ST8SIA6: variants seen among roughly 807,000 people sequenced by gnomAD.
ST8SIA6 encodes ST8 alpha-N-acetyl-neuraminide alpha-2,8-sialyltransferase 6.
In ST8SIA6, 39 loss-of-function variants were observed where a neutral mutation model predicts 33.6. The ratio of observed to expected loss-of-function variants is 1.16; its 90% CI spans 0.90 to 1.52. The LOEUF (loss-of-function observed/expected upper bound fraction) is 1.52. Ranked by LOEUF, ST8SIA6 falls within the 40% of genes most tolerant of loss-of-function variation. The probability of loss-of-function intolerance (pLI) is 0.00; values close to 1 mark genes in which losing one functional copy is unlikely to be tolerated. For synonymous variants in ST8SIA6, 172 were observed against 167.2 expected, an observed-to-expected ratio of 1.03 and a Z score of -0.22; for missense variants, 441 against 443.8, an observed-to-expected ratio of 0.99 and a Z score of 0.06.
At chr10:17,402,110 T>C (rs1404738995) in intron 2 of ST8SIA6, among the ~76,000 whole-genome samples, 5 of 152,088 alleles carry the variant, frequency 3.3e-5, no homozygotes, top group Non-Finnish European at 7.4e-5. Flanking sequence ...CATCAACAAG[T>C]GGGCGAAGGA....
intron 2 of ST8SIA6, among the ~76,000 whole-genome samples, chr10:17,424,635 A>T (rs1851877928): frequency 6.6e-6 from 1 of 152,060 alleles, no homozygotes; most frequent in Admixed American, 6.6e-5. Context: ...TTCTCACTCC[A>T]TTTATTCATA....
intron 3 of ST8SIA6, among the ~76,000 whole-genome samples, chr10:17,373,678 T>C (rs1335477884): frequency 6.6e-6 from 1 of 152,202 alleles, no homozygotes; most frequent in Non-Finnish European, 1.5e-5. Flanking sequence ...TTTGAAGGCA[T>C]TGAAAACAGC....
intron 3 of ST8SIA6, among the ~76,000 whole-genome samples, chr10:17,374,125 G>A (rs1248475514): frequency 7.5e-6 from 1 of 133,172 alleles, no homozygotes; most frequent in East Asian, 2.1e-4. Context: ...GGGAAAAGTA[G>A]TCTATTTCTC....
At chr10:17,322,239 AGAG>A (rs1847983593) in intron 7 of ST8SIA6, among the ~76,000 whole-genome samples, 1 of 77,008 alleles carries the variant, frequency 1.3e-5, no homozygotes, top group Non-Finnish European at 2.9e-5. Context: ...AGAAAAAGAA[AGAG>A]AAAAAGAAAG....
At chr10:17,435,553 G>A (rs1424702862) in intron 2 of ST8SIA6, among the ~76,000 whole-genome samples, 1 of 152,110 alleles carries the variant, frequency 6.6e-6, no homozygotes, top group Non-Finnish European at 1.5e-5. Flanking sequence ...GCTGAAACCT[G>A]GCACTTAGGA....
chr10:17,323,004 A>G, intron 7 of ST8SIA6, 61 bp downstream of exon 7: 1 of 1,465,122 alleles, frequency 6.8e-7, no homozygotes, highest in Non-Finnish European at 9.5e-7. Flanking sequence ...GCTTAAGCTG[A>G]GAAACATGTT....
intron 4 of ST8SIA6, among the ~76,000 whole-genome samples, chr10:17,340,625 A>T (rs992026633): frequency 6.6e-6 from 1 of 152,134 alleles, no homozygotes; most frequent in Non-Finnish European, 1.5e-5. Flanking sequence ...ATAGAAGTAA[A>T]ATTGCCTTGC....
chr10:17,396,072 G>A (rs1280716746), intron 2 of ST8SIA6, among the ~76,000 whole-genome samples: 1 of 152,156 alleles, frequency 6.6e-6, no homozygotes, highest in Non-Finnish European at 1.5e-5. Context: ...GAGTGGAGAT[G>A]GCTCTAACTG....
chr10:17,393,593 C>G (rs1438629468), intron 2 of ST8SIA6, among the ~76,000 whole-genome samples: 1 of 152,058 alleles, frequency 6.6e-6, no homozygotes, highest in Admixed American at 6.6e-5. Flanking sequence ...TCCTGTGTCC[C>G]CAGAGAGGAG....
intron 4 of ST8SIA6, among the ~76,000 whole-genome samples, chr10:17,347,953 C>CAAAAAAAAAAAAAAAAAAAAAAAAAAAAA (rs55996465): frequency 7.3e-5 from 5 of 68,630 alleles, no homozygotes; most frequent in East Asian, 4.1e-4. Flanking sequence ...GACTCTGTCT[C>CAAAAAAAAAAAAAAAAAAAAAAAAAAAAA]AAAAAAAAAA....
At chr10:17,386,175 TCACACA>T (rs371809115) in intron 3 of ST8SIA6, among the ~76,000 whole-genome samples, 5,574 of 150,128 alleles carry the variant, frequency 0.037, 125 homozygotes, top group South Asian at 0.059. Context: ...AGTGAGACTG[TCACACA>T]CACACACACA....
intron 2 of ST8SIA6, among the ~76,000 whole-genome samples, chr10:17,444,760 ACAGG>A (rs1181108968): frequency 1.3e-5 from 2 of 152,226 alleles, no homozygotes; most frequent in Non-Finnish European, 2.9e-5. Context: ...CCATTTCCAA[ACAGG>A]GAAGGCAAGG....
intron 3 of ST8SIA6, among the ~76,000 whole-genome samples, chr10:17,385,833 G>A (rs1850322492): frequency 6.6e-6 from 1 of 152,128 alleles, no homozygotes; most frequent in Non-Finnish European, 1.5e-5. Flanking sequence ...AGGACTTCCT[G>A]AGGCTGTGTC....
In ST8SIA6 at chr10:17,318,242, G is replaced by A. The variant is rs1232286422; in HGVS notation, c.*2636C>T. The A allele has an allele frequency of 6.5e-6, 1 of 154,648 alleles. No individual in the cohort carries two copies. Among genetic ancestry groups the A allele is most frequent in the Non-Finnish European group, 1.4e-5 (1 of 69,982 alleles). 9.6% of individuals were successfully genotyped at this position (154,648 alleles called of 1,614,324 possible). On this transcript the variant is annotated 3_prime_UTR_variant, in exon 8 of 8. Coordinates refer to ENST00000377602, the MANE Select transcript of ST8SIA6 (RefSeq NM_001004470.3). ...TTTTTTTTTTCTTTTTTGAGACAGG[G>A]TCTCACTCTGTCACACAGGCTAGAA...
At chr10:17,438,436 G>C (rs1852359996) in intron 2 of ST8SIA6, among the ~76,000 whole-genome samples, 1 of 152,026 alleles carries the variant, frequency 6.6e-6, no homozygotes. Context: ...AAACATTATG[G>C]AGATTATTCA....
chr10:17,451,230 C>T (rs1422411992), intron 2 of ST8SIA6, among the ~76,000 whole-genome samples: 2 of 152,158 alleles, frequency 1.3e-5, no homozygotes, highest in Non-Finnish European at 2.9e-5. Context: ...GTACCACATA[C>T]TAGAACTCAG....
At position 17,348,459 on chromosome 10, in the gene ST8SIA6, C is replaced by T. The variant is rs372674750; in HGVS notation, c.377+11055G>A. Among the ~76,000 whole-genome samples, 7 of 152,248 alleles carry T rather than the reference C, an allele frequency of 4.6e-5. No individual in the cohort carries two copies. The East Asian group carries it at 7.7e-4, about 17-fold the overall frequency. On this transcript the variant is annotated intron_variant, in intron 4 of 7. Coordinates refer to ENST00000377602, the MANE Select transcript of ST8SIA6 (RefSeq NM_001004470.3). ...GAACTTCAATTTACCAGGCCAAGTC[C>T]TAACTGTAGGCTTAGGCAAGGGCCA...
intron 5 of ST8SIA6, among the ~76,000 whole-genome samples, chr10:17,329,586 A>G (rs1262019639): frequency 6.6e-6 from 1 of 152,194 alleles, no homozygotes; most frequent in Non-Finnish European, 1.5e-5. Flanking sequence ...TCTGAAGTTT[A>G]TAGATAGGGT....
At chr10:17,361,402 G>C (rs10795475) in intron 3 of ST8SIA6, among the ~76,000 whole-genome samples, 32,404 of 151,532 alleles carry the variant, frequency 0.21, 4,072 homozygotes, top group East Asian at 0.59. Context: ...AGGTGCAGTG[G>C]AGATATGTGT....
Sources: gnomAD v4.1 joint callset for allele counts (sites outside exome capture counted in the v4.1 genomes callset) on GRCh38, gnomAD v4.1.1 for gene constraint, MANE v1.5 for transcripts, NCBI Gene and HGNC (gene_info 2026-07-23, HGNC 2026-07-21) for gene names.